Variants in MIA2 observed in about 807,000 individuals in gnomAD.
MIA2 encodes melanoma inhibitory activity protein 2.
A neutral mutation model predicts 167.8 loss-of-function variants in MIA2; 127 were observed. The ratio of observed to expected loss-of-function variants is 0.76; its 90% CI spans 0.66 to 0.88. The LOEUF is 0.88. MIA2 is among the 40% of genes least tolerant of loss of function. The pLI, the probability that MIA2 is intolerant of heterozygous loss-of-function variation, is 0.00. For missense variants in MIA2, 1,690 were observed against 1,624.7 expected (o/e 1.04, Z -0.69); for synonymous variants, 552 against 541.9 (o/e 1.02, Z -0.26).
chr14:39,270,320 G>A (rs1453566927), intron 6 of MIA2, among the ~76,000 whole-genome samples: 1 of 150,470 alleles, frequency 6.6e-6, no homozygotes, highest in Non-Finnish European at 1.5e-5. Context: ...TCCTGCCTCA[G>A]CCTCCTGTGT....
At position 39,361,407 on chromosome 14, in the gene MIA2, A is replaced by G. The variant is rs562763655; in HGVS notation, c.2248+12430A>G. ...GTGTTTTACTGTTTTCTTTGTGGCT[A>G]TTGCTCTGACTAGGACTTTTAGGTG... On this transcript the variant is annotated intron_variant, in intron 23 of 23. Coordinates refer to the MIA2 transcript ENST00000341502. Among the ~76,000 whole-genome samples the G allele has an allele frequency of 6.3e-5, 9 of 143,384 alleles. No homozygotes were observed. The South Asian group carries it at 6.7e-4, about 11-fold the overall frequency. The allele number at this position is 143,384 out of a possible 152,430, so 94.1% of individuals were successfully genotyped here.
intron 26 of MIA2, 121 bp from the exon 27 acceptor site, chr14:39,347,592 G>A: frequency 1.1e-6 from 1 of 889,644 alleles, no homozygotes; most frequent in Non-Finnish European, 1.8e-6. Flanking sequence ...TAGGATATTG[G>A]TGTCCAGCTG....
At chr14:39,347,144 A>AG (rs1290012062) in intron 26 of MIA2, among the ~76,000 whole-genome samples, 1 of 152,142 alleles carries the variant, frequency 6.6e-6, no homozygotes, top group African/African-American at 2.4e-5. Context: ...TAGTTGGGGA[A>AG]GGAAGTGAGG....
downstream of MIA2, among the ~76,000 whole-genome samples, chr14:39,355,691 G>A (rs1480994187): frequency 6.6e-6 from 1 of 152,120 alleles, no homozygotes; most frequent in African/African-American, 2.4e-5. Context: ...GTGTGGGTTT[G>A]TCATAAATAG....
intron 6 of MIA2, among the ~76,000 whole-genome samples, chr14:39,261,583 T>G (rs1034977671): frequency 2.0e-5 from 3 of 152,206 alleles, no homozygotes; most frequent in Admixed American, 1.3e-4. Flanking sequence ...CCACAATGGT[T>G]GTACTAGTTT....
chr14:39,295,280 A>G lies in MIA2; in HGVS notation c.2496+251A>G, dbSNP rs112015581. Among the ~76,000 whole-genome samples, 471 of 152,226 alleles carry G rather than the reference A, an allele frequency of 3.1e-3. 4 individuals carry two copies. The highest frequency in any genetic ancestry group is 0.01 in the African/African-American group (428 of 41,526). ...TTTAGCATTTTGGTAATCATAACCA[A>G]CTTCTTAAAGCCATGCCGAAGGGGT... On this transcript the variant is annotated intron_variant, in intron 13 of 28. Coordinates refer to ENST00000640607, the MANE Select transcript of MIA2 (RefSeq NM_001329214.4).
chr14:39,314,822 G>A (rs1555390646), intron 20 of MIA2, 23 bp downstream of exon 20: 3 of 1,218,916 alleles, frequency 2.5e-6, no homozygotes, highest in East Asian at 5.1e-5. Flanking sequence ...GTGTGTGTGT[G>A]TGTGTGTGTG....
chr14:39,238,793 C>CAAAAAAAAAA lies in MIA2; in HGVS notation c.249+1747_250-1750dup, dbSNP rs769534317. On this transcript the variant is annotated intron_variant, in intron 2 of 28. Coordinates refer to ENST00000640607, the MANE Select transcript of MIA2 (RefSeq NM_001329214.4). ...TGGGTTACAAAGTGAGACCCTGTCT[C>CAAAAAAAAAA]AAAAAAAAAAAAAAAAAACCCAAAA... Among the ~76,000 whole-genome samples, 56 of 30,808 alleles carry CAAAAAAAAAA rather than the reference C, an allele frequency of 1.8e-3. 5 individuals carry two copies. The highest frequency in any genetic ancestry group is 0.033 in the Middle Eastern group (1 of 30). The allele number at this position is 30,808 out of a possible 152,430, so 20.2% of individuals were successfully genotyped here. A position where few individuals can be genotyped will look rare whatever the true frequency, so the allele number is the denominator to read the frequency against.
intron 22 of MIA2, among the ~76,000 whole-genome samples, chr14:39,318,551 G>A (rs529522861): frequency 1.3e-5 from 2 of 152,232 alleles, no homozygotes; most frequent in Admixed American, 6.5e-5. Context: ...ACAATGTACT[G>A]TTAACATTAT....
chr14:39,345,668 A>C (rs1318114112), intron 25 of MIA2, among the ~76,000 whole-genome samples: 2 of 152,190 alleles, frequency 1.3e-5, no homozygotes, highest in African/African-American at 2.4e-5. Context: ...TAATTTACAC[A>C]TAGTAATTGA....
In MIA2 at chr14:39,292,345, T is replaced by C. The variant is rs376576465; in HGVS notation, c.2209-926T>C. On this transcript the variant is annotated intron_variant, in intron 10 of 28. Coordinates refer to ENST00000640607, the MANE Select transcript of MIA2 (RefSeq NM_001329214.4). Reference sequence around the variant, plus strand: ...TAATGAATTATTATAGGAGTAAAATTAGCTGAATTTTTAGCTGCATTCAAC... The same window carrying C: ...TAATGAATTATTATAGGAGTAAAATCAGCTGAATTTTTAGCTGCATTCAAC... Among the ~76,000 whole-genome samples, 82 of 152,336 alleles carry C rather than the reference T, an allele frequency of 5.4e-4. 1 individual carries two copies. The South Asian group carries it at 0.017, about 31-fold the overall frequency.
At chr14:39,280,944 C>T (rs1218379634) in intron 9 of MIA2, among the ~76,000 whole-genome samples, 1 of 49,374 alleles carries the variant, frequency 2.0e-5, no homozygotes, top group Admixed American at 2.8e-4. Context: ...TTTGAGACAG[C>T]GTCTCTCTCT....
chr14:39,248,489 C>T (rs910913966), intron 4 of MIA2, among the ~76,000 whole-genome samples: 1 of 151,676 alleles, frequency 6.6e-6, no homozygotes, highest in African/African-American at 2.4e-5. Flanking sequence ...CCATCTACCT[C>T]CACTCCCACT....
intron 25 of MIA2, among the ~76,000 whole-genome samples, chr14:39,339,194 G>T (rs1278661140): frequency 6.6e-6 from 1 of 152,210 alleles, no homozygotes; most frequent in African/African-American, 2.4e-5. Flanking sequence ...TGGAGCTTAG[G>T]TGGTAATGCT....
intron 20 of MIA2, among the ~76,000 whole-genome samples, chr14:39,315,476 A>G (rs2065241662): frequency 6.6e-6 from 1 of 152,214 alleles, no homozygotes; most frequent in South Asian, 2.1e-4. Context: ...TTTACCAAAC[A>G]AAAAATTTAA....
intron 6 of MIA2, chr14:39,265,388 T>C: frequency 6.2e-7 from 1 of 1,608,762 alleles, no homozygotes; most frequent in Non-Finnish European, 8.5e-7. Context: ...CATGAGCTTT[T>C]CAAGAAATGG....
At chr14:39,265,848 C>A in intron 6 of MIA2, 1 of 330,204 alleles carries the variant, frequency 3.0e-6, no homozygotes, top group Non-Finnish European at 4.4e-6. Flanking sequence ...AATTTTAATA[C>A]ACAGTGTCTA....
intron 3 of MIA2, among the ~76,000 whole-genome samples, chr14:39,246,025 T>A (rs1253952087): frequency 6.6e-6 from 1 of 152,170 alleles, no homozygotes; most frequent in Non-Finnish European, 1.5e-5. Context: ...GTTTGCAGAA[T>A]ACACTGAAAG....
At chr14:39,317,720 C>T (rs2065742688) in intron 21 of MIA2, among the ~76,000 whole-genome samples, 1 of 152,158 alleles carries the variant, frequency 6.6e-6, no homozygotes, top group African/African-American at 2.4e-5. Context: ...GATGAGGAAA[C>T]AGCCGAAGGT....
Sources: gnomAD v4.1 joint callset for allele counts (sites outside exome capture counted in the v4.1 genomes callset) on GRCh38, gnomAD v4.1.1 for gene constraint, MANE v1.5 for transcripts, NCBI Gene and HGNC (gene_info 2026-07-23, HGNC 2026-07-21) for gene names.